Variants in COMMD7 observed in about 807,000 individuals in gnomAD.
COMMD7 encodes COMM domain-containing protein 7.
In COMMD7, 28 loss-of-function variants were observed where a neutral mutation model predicts 34.8. The observed-to-expected ratio is 0.80, with a 90% confidence interval of 0.60 to 1.10. The LOEUF is 1.10. COMMD7 is among the 50% of genes least tolerant of loss of function. The pLI, the probability that COMMD7 is intolerant of heterozygous loss-of-function variation, is 0.00. For synonymous variants in COMMD7, 80 were observed against 86.4 expected (o/e 0.93, Z 0.41); for missense variants, 211 against 241.6 (o/e 0.87, Z 0.84).
At chr20:32,721,076 T>C (rs1417920628) in intron 3 of COMMD7, among the ~76,000 whole-genome samples, 2 of 152,068 alleles carry the variant, frequency 1.3e-5, no homozygotes, top group Non-Finnish European at 2.9e-5. Flanking sequence ...AAAAAACATA[T>C]CTCAGATGCT....
Position 32,704,838 on chromosome 20 carries a change from T to C in COMMD7, c.403A>G (p.Ile135Val), listed in dbSNP as rs370500389. The change falls in exon 6 of 9, where the codon ATA becomes GTA. Residue 135 changes from isoleucine to valine, a missense_variant. Coordinates refer to ENST00000278980, the MANE Select transcript of COMMD7 (RefSeq NM_053041.3). ...IGQTLMINQL[I>V]DMEWKFGVTS... ...CCTCCAAATTTCCACTCCATATCTATGAGCTGGTTAATCATCAGAGTCTGA... is the reference window on the plus strand; with the variant it reads ...CCTCCAAATTTCCACTCCATATCTACGAGCTGGTTAATCATCAGAGTCTGA... 34 of 1,613,204 alleles carry C rather than the reference T, an allele frequency of 2.1e-5. No individual in the cohort carries two copies. Among genetic ancestry groups the C allele is most frequent in the Non-Finnish European group, 2.8e-5 (33 of 1,179,168 alleles).
chr20:32,712,443 G>A (rs1050995126), intron 3 of COMMD7, among the ~76,000 whole-genome samples: 1 of 151,600 alleles, frequency 6.6e-6, no homozygotes, highest in African/African-American at 2.4e-5. Context: ...AGGAGGCAGA[G>A]GTTGAAGTGA....
chr20:32,721,282 T>G (rs1282392401), intron 3 of COMMD7, among the ~76,000 whole-genome samples: 2 of 152,018 alleles, frequency 1.3e-5, no homozygotes, highest in Admixed American at 1.3e-4. Flanking sequence ...GAGACCAGCC[T>G]GGGCAACATA....
At chr20:32,704,227 A>G (rs1983919987) in intron 7 of COMMD7, among the ~76,000 whole-genome samples, 156 bp from the exon 8 acceptor site, 1 of 152,196 alleles carries the variant, frequency 6.6e-6, no homozygotes, top group Admixed American at 6.6e-5. Context: ...TCCCATGATT[A>G]CAGGAACAAT....
intron 1 of COMMD7, among the ~76,000 whole-genome samples, chr20:32,730,066 T>A (rs536207823): frequency 6.6e-6 from 1 of 152,142 alleles, no homozygotes; most frequent in South Asian, 2.1e-4. Flanking sequence ...TCTATGATAT[T>A]TTGCCTTAAC....
intron 3 of COMMD7, among the ~76,000 whole-genome samples, chr20:32,709,802 C>T (rs1041313635): frequency 6.6e-6 from 1 of 152,146 alleles, no homozygotes; most frequent in South Asian, 2.1e-4. Context: ...CATAGCTCAT[C>T]CCTTCGCTTC....
intron 3 of COMMD7, among the ~76,000 whole-genome samples, chr20:32,719,648 C>T (rs561052934): frequency 1.3e-5 from 2 of 151,868 alleles, no homozygotes; most frequent in South Asian, 4.2e-4. Context: ...AAAACTCCAT[C>T]TAAAAAAAAA....
chr20:32,741,642 G>A (rs1986454519), intron 1 of COMMD7, among the ~76,000 whole-genome samples: 1 of 152,020 alleles, frequency 6.6e-6, no homozygotes, highest in Non-Finnish European at 1.5e-5. Flanking sequence ...GCCCACCTTG[G>A]CCTCCCAAAG....
chr20:32,714,294 C>T (rs1435662953), intron 3 of COMMD7, among the ~76,000 whole-genome samples: 1 of 151,954 alleles, frequency 6.6e-6, no homozygotes, highest in African/African-American at 2.4e-5. Flanking sequence ...AAAAAGAACT[C>T]GTTGGGGAGT....
Position 32,734,789 on chromosome 20 carries a change from G to T in COMMD7, c.85-6647C>A, listed in dbSNP as rs143452939. Among the ~76,000 whole-genome samples the T allele has an allele frequency of 4.4e-3, 669 of 151,388 alleles. 3 individuals are homozygous for T. The highest frequency in any genetic ancestry group is 0.015 in the African/African-American group (636 of 41,258). ...CTAAAAATACAAAAATTAGCCAGGT[G>T]TGGTGGTAGCTGTAGTCCCAGCTAC... is the stretch of plus-strand genomic sequence containing the variant. On this transcript the variant is annotated intron_variant, in intron 1 of 8. Transcript: ENST00000278980.
intron 3 of COMMD7, among the ~76,000 whole-genome samples, chr20:32,721,114 C>T (rs886362593): frequency 3.9e-5 from 6 of 152,106 alleles, no homozygotes; most frequent in African/African-American, 1.2e-4. Context: ...TGAACTCAAG[C>T]GATTTGGGAA....
Position 32,706,461 on chromosome 20 carries a change from C to T in COMMD7, c.336+122G>A, listed in dbSNP as rs1405382707. 3.7e-5 allele frequency: 27 copies of T among 737,988 alleles called. No homozygotes were observed. The East Asian group carries it at 3.9e-4, about 11-fold the overall frequency. The allele number at this position is 737,988 out of a possible 1,614,324, so 45.7% of individuals were successfully genotyped here. ...CCGAGAGGCAGAGGTTGTGGTGAGCCGAGATCACACTGCCACTGCACTCCA... is the reference window on the plus strand; with the variant it reads ...CCGAGAGGCAGAGGTTGTGGTGAGCTGAGATCACACTGCCACTGCACTCCA... On this transcript the variant is annotated intron_variant, in intron 5 of 8. Coordinates refer to ENST00000278980, the MANE Select transcript of COMMD7 (RefSeq NM_053041.3).
At chr20:32,724,012 G>A (rs1465404968) in intron 3 of COMMD7, among the ~76,000 whole-genome samples, 178 of 12,538 alleles carry the variant, frequency 0.014, 19 homozygotes, top group Admixed American at 0.043. Flanking sequence ...GAGCATCTCC[G>A]CCCGGCAGCC....
chr20:32,712,293 A>AAAAAAAAAAAAAAG (rs1555823349), intron 3 of COMMD7, among the ~76,000 whole-genome samples: 6 of 147,004 alleles, frequency 4.1e-5, no homozygotes, highest in African/African-American at 1.5e-4. Context: ...AAAAAAAAAA[A>AAAAAAAAAAAAAAG]AGAGAGAGAT....
chr20:32,717,591 G>T (rs1324664543), intron 3 of COMMD7, among the ~76,000 whole-genome samples: 2 of 152,148 alleles, frequency 1.3e-5, no homozygotes, highest in African/African-American at 4.8e-5. Context: ...CTCCCAAAGT[G>T]CTGGGATTAC....
chr20:32,741,610 C>T (rs548798343), intron 1 of COMMD7, among the ~76,000 whole-genome samples: 1 of 152,162 alleles, frequency 6.6e-6, no homozygotes, highest in Non-Finnish European at 1.5e-5. Flanking sequence ...AGGATGGTCT[C>T]GATCTCCTGA....
At chr20:32,707,663 C>T (rs1033673805) in intron 3 of COMMD7, among the ~76,000 whole-genome samples, 2 of 151,462 alleles carry the variant, frequency 1.3e-5, no homozygotes, top group African/African-American at 4.9e-5. Context: ...ATTTATCCCT[C>T]CAACCAGTGT....
rs142819566 is a variant in COMMD7 at position 32,733,843 on chromosome 20, C to G, written c.85-5701G>C. On this transcript the variant is annotated intron_variant, in intron 1 of 8. Transcript: ENST00000278980. ...GAGGTTGCAGTGAGCCGAGATTGCA[C>G]GATTGCACTCCAGCCTGGGCGGAGT... 1.7e-3 allele frequency among the ~76,000 whole-genome samples: 251 copies of G among 149,362 alleles called. 2 individuals are homozygous for G. The Middle Eastern group carries it at 0.034, about 20-fold the overall frequency.
At chr20:32,729,167 AT>A (rs777073115) in intron 1 of COMMD7, among the ~76,000 whole-genome samples, 5,493 of 122,962 alleles carry the variant, frequency 0.045, 261 homozygotes, top group African/African-American at 0.13. Context: ...GCTTATTTTG[AT>A]TTTTTTTTTT....
Sources: allele counts gnomAD v4.1 joint callset (sites outside exome capture counted in the v4.1 genomes callset), GRCh38; gene constraint gnomAD v4.1.1; transcripts MANE v1.5; gene names NCBI Gene and HGNC (gene_info 2026-07-23, HGNC 2026-07-21).